SLC24A2: variants seen among roughly 807,000 people sequenced by gnomAD.
SLC24A2 encodes sodium/potassium/calcium exchanger 2.
Under a neutral mutation model 62.0 loss-of-function variants are expected in SLC24A2, and 36 were observed. That is an observed-to-expected ratio of 0.58 (90% CI 0.44 to 0.77). The LOEUF is 0.77. Among genes scored for constraint, SLC24A2 ranks in the 30% least tolerant of loss-of-function variants. SLC24A2 has a pLI of 0.00. For synonymous variants in SLC24A2, 358 were observed against 294.0 expected (o/e 1.22, Z -2.23); for missense variants, 846 against 817.9 (o/e 1.03, Z -0.42).
chr9:20,119,297 T>C, the SLC24A2 span, among the ~76,000 whole-genome samples: 8 of 151,808 alleles, frequency 5.3e-5, no homozygotes, highest in Non-Finnish European at 8.8e-5. Flanking sequence ...TCACAGAAAC[T>C]GTGAGGTAAC....
chr9:19,519,355 G>GTT (rs1398585957), intron 10 of SLC24A2, among the ~76,000 whole-genome samples: 2 of 151,566 alleles, frequency 1.3e-5, no homozygotes, highest in Non-Finnish European at 2.9e-5. Flanking sequence ...TTCCTTGTGT[G>GTT]TGTGTGTGTG....
chr9:19,664,669 C>T (rs763146398), intron 2 of SLC24A2, among the ~76,000 whole-genome samples: 12 of 152,036 alleles, frequency 7.9e-5, no homozygotes, highest in Non-Finnish European at 1.5e-4. Context: ...TCTGGGTGGG[C>T]CTAAATCCAA....
the SLC24A2 span, among the ~76,000 whole-genome samples, chr9:20,066,151 C>T: frequency 1.3e-5 from 2 of 152,128 alleles, no homozygotes; most frequent in South Asian, 4.2e-4. Flanking sequence ...GGAGGAGGAT[C>T]ATTGCCTTTA....
the SLC24A2 span, among the ~76,000 whole-genome samples, chr9:19,931,599 G>A: frequency 6.6e-6 from 1 of 152,090 alleles, no homozygotes; most frequent in Non-Finnish European, 1.5e-5. Flanking sequence ...ATCTACCAAG[G>A]CTTTTATATT....
At chr9:19,962,142 C>G in the SLC24A2 span, among the ~76,000 whole-genome samples, 1 of 152,198 alleles carries the variant, frequency 6.6e-6, no homozygotes, top group African/African-American at 2.4e-5. Context: ...CTTTTATGGA[C>G]TGCTCATTAT....
intron 7 of SLC24A2, among the ~76,000 whole-genome samples, chr9:19,551,289 G>T (rs1195101876): frequency 6.6e-6 from 1 of 152,222 alleles, no homozygotes; most frequent in African/African-American, 2.4e-5. Context: ...CCTGCACGGG[G>T]TGTCGGAGCC....
In SLC24A2 at chr9:19,513,167, T is replaced by TATATATATATATATAC. The variant is rs1832786952; in HGVS notation, c.*2985_*2986insGTATATATATATATAT. ...TCTGGTATAAAGATATATATATATA[T>TATATATATATATATAC]ATATATATGTATATATATATATATG... On this transcript the variant is annotated 3_prime_UTR_variant, in exon 11 of 11. Transcript: ENST00000341998. 1 of 59,878 alleles carries TATATATATATATATAC rather than the reference T, an allele frequency of 1.7e-5. No individual in the cohort carries two copies. The highest frequency in any genetic ancestry group is 6.4e-5 in the African/African-American group (1 of 15,530). The allele number at this position is 59,878 out of a possible 1,614,324, so 3.7% of individuals were successfully genotyped here.
chr9:20,081,870 T>C, the SLC24A2 span, among the ~76,000 whole-genome samples: 1 of 152,204 alleles, frequency 6.6e-6, no homozygotes, highest in Non-Finnish European at 1.5e-5. Context: ...ATAAATATTC[T>C]AATTAATGTT....
At chr9:19,872,516 C>A in the SLC24A2 span, among the ~76,000 whole-genome samples, 2 of 152,120 alleles carry the variant, frequency 1.3e-5, no homozygotes, top group Admixed American at 1.3e-4. Flanking sequence ...CCTCTCCTCT[C>A]ATTTTCTGTC....
chr9:20,102,733 G>A, the SLC24A2 span, among the ~76,000 whole-genome samples: 2 of 151,820 alleles, frequency 1.3e-5, no homozygotes, highest in African/African-American at 4.8e-5. Flanking sequence ...TGGCCGAATA[G>A]GAACAGCTCC....
Position 19,599,246 on chromosome 9 carries a change from A to G in SLC24A2, c.1079-1967T>C, listed in dbSNP as rs529031216. Reference sequence around the variant, plus strand: ...CATAGTTGGAATTGGAACTGTTCATATCGGACAAAGCTCACACATTCTCGA... The same window carrying G: ...CATAGTTGGAATTGGAACTGTTCATGTCGGACAAAGCTCACACATTCTCGA... On this transcript the variant is annotated intron_variant, in intron 4 of 10. Transcript: ENST00000341998. The surrounding 1 kb of genome is among the most constrained non-coding windows in gnomAD (Gnocchi z 4.5). Among the ~76,000 whole-genome samples, 3 of 152,316 alleles carry G rather than the reference A, an allele frequency of 2.0e-5. No homozygotes were observed. The East Asian group carries it at 5.8e-4, about 29-fold the overall frequency.
chr9:20,296,606 T>C, the SLC24A2 span, among the ~76,000 whole-genome samples: 1 of 152,216 alleles, frequency 6.6e-6, no homozygotes, highest in African/African-American at 2.4e-5. Flanking sequence ...CACATCTGCA[T>C]TTGTGAAAGA....
the SLC24A2 span, among the ~76,000 whole-genome samples, chr9:20,279,525 C>G: frequency 6.6e-6 from 1 of 152,130 alleles, no homozygotes; most frequent in Non-Finnish European, 1.5e-5. Context: ...GAGTGAAACT[C>G]TGTCTTAAAA....
chr9:19,563,367 G>A (rs1835497656), intron 7 of SLC24A2, among the ~76,000 whole-genome samples: 1 of 151,108 alleles, frequency 6.6e-6, no homozygotes, highest in African/African-American at 2.4e-5. Context: ...GAAAATGGTG[G>A]ACCTGACTGT....
the SLC24A2 span, among the ~76,000 whole-genome samples, chr9:19,867,722 A>C: frequency 2.6e-5 from 4 of 152,264 alleles, no homozygotes; most frequent in East Asian, 7.7e-4. Context: ...ATCCTGGCTA[A>C]CATGGTGAAA....
the SLC24A2 span, among the ~76,000 whole-genome samples, chr9:20,173,951 A>T: frequency 6.6e-6 from 1 of 152,092 alleles, no homozygotes; most frequent in Non-Finnish European, 1.5e-5. Context: ...TTCAAACTAT[A>T]CTAGAAAACC....
the SLC24A2 span, among the ~76,000 whole-genome samples, chr9:19,974,043 T>C: frequency 6.6e-6 from 1 of 152,288 alleles, no homozygotes; most frequent in East Asian, 1.9e-4. Flanking sequence ...CATAAGGATG[T>C]TGGAGAGTCA....
chr9:19,573,227 G>T, intron 7 of SLC24A2, 124 bp downstream of exon 7: 1 of 699,484 alleles, frequency 1.4e-6, no homozygotes, highest in Non-Finnish European at 2.6e-6. Flanking sequence ...GGATGTATAA[G>T]GCCCTACCTG....
In SLC24A2 at chr9:19,618,765, T is replaced by C. The variant is rs913191489; in HGVS notation, c.1078+819A>G. On this transcript the variant is annotated intron_variant, in intron 4 of 10. Transcript: ENST00000341998. ...AGGCTGTATTAGCTCCTGTGTAACA[T>C]TGAGCCCAATTATAAAGTCCAAGGA... Among the ~76,000 whole-genome samples the C allele has an allele frequency of 5.4e-4, 82 of 152,246 alleles. 1 individual carries two copies. The highest frequency in any genetic ancestry group is 1.8e-3 in the African/African-American group (75 of 41,468).
Sources: allele counts gnomAD v4.1 joint callset (sites outside exome capture counted in the v4.1 genomes callset), GRCh38; gene constraint gnomAD v4.1.1; non-coding constraint Gnocchi (gnomAD v3.1); transcripts MANE v1.5; gene names NCBI Gene and HGNC (gene_info 2026-07-23, HGNC 2026-07-21).